ANTXR2: variants seen among roughly 807,000 people sequenced by gnomAD.
The protein encoded by ANTXR2 is anthrax toxin receptor 2.
ANTXR2 carries 44 observed loss-of-function variants against 73.7 expected under a neutral mutation model. The observed-to-expected ratio is 0.60, with a 90% CI of 0.47 to 0.77. The LOEUF is 0.77. Ranked by LOEUF, ANTXR2 falls within the 30% of genes least tolerant of loss-of-function variation. The pLI is 0.00. For missense variants in ANTXR2, 604 were observed against 592.5 expected, an observed-to-expected ratio of 1.02 and a Z score of -0.20; for synonymous variants, 217 against 205.9, an observed-to-expected ratio of 1.05 and a Z score of -0.46.
At position 79,988,557 on chromosome 4, in the gene ANTXR2, T is replaced by A. The variant is rs577899122; in HGVS notation, c.1042-3694A>T. Among the ~76,000 whole-genome samples the A allele has an allele frequency of 5.3e-5, 8 of 152,006 alleles. No individual in the cohort carries two copies. The South Asian group carries it at 1.7e-3, about 32-fold the overall frequency. On this transcript the variant is annotated intron_variant, in intron 12 of 16. Coordinates refer to ENST00000403729, the MANE Select transcript of ANTXR2 (RefSeq NM_058172.6). ...TAACCACACAATAATAATGGGAGAC[T>A]TCAACACTCCACTGACAGTATTGGA...
Position 79,902,653 on chromosome 4 carries a change from G to A in ANTXR2, c.*4776C>T, listed in dbSNP as rs1726750509. 6.6e-6 allele frequency: 1 copy of A among 151,258 alleles called. No individual in the cohort carries two copies. The highest frequency in any genetic ancestry group is 1.5e-5 in the Non-Finnish European group (1 of 67,888). 9.4% of individuals were successfully genotyped at this position (151,258 alleles called of 1,614,324 possible). ...GATATAAACTGTAAGTTTCCTCTTT[G>A]ACAAATTTAATTATAAGAAATTAAC... On this transcript the variant is annotated 3_prime_UTR_variant, in exon 17 of 17. Transcript: ENST00000403729.
chr4:79,905,862 GA>G lies in ANTXR2; in HGVS notation c.*1566del, dbSNP rs1726884757. On this transcript the variant is annotated 3_prime_UTR_variant, in exon 17 of 17. Transcript: ENST00000403729. ...GTGCACTCACATGCCCGCCAAACAT[GA>G]AATGTTCGCCTTCTCCCTTCCAATG... 6.6e-6 allele frequency: 1 copy of G among 152,528 alleles called. No individual in the cohort carries two copies. Among genetic ancestry groups the G allele is most frequent in the Admixed American group, 6.6e-5 (1 of 15,252 alleles). 9.4% of individuals were successfully genotyped at this position (152,528 alleles called of 1,614,324 possible). A position where few individuals can be genotyped will look rare whatever the true frequency, so the allele number is the denominator to read the frequency against.
At chr4:80,058,249 T>G (rs1560427914) in intron 3 of ANTXR2, among the ~76,000 whole-genome samples, 1 of 152,058 alleles carries the variant, frequency 6.6e-6, no homozygotes, top group Non-Finnish European at 1.5e-5. Context: ...GGTTTTTTTT[T>G]GTACAGTCAG....
Position 79,996,318 on chromosome 4 carries a change from T to TATGGATAG in ANTXR2, c.1042-11456_1042-11455insCTATCCAT, listed in dbSNP as rs1553931369. Among the ~76,000 whole-genome samples the TATGGATAG allele has an allele frequency of 2.0e-5, 3 of 148,872 alleles. No individual in the cohort carries two copies. The East Asian group carries it at 6.1e-4, about 30-fold the overall frequency. On this transcript the variant is annotated intron_variant, in intron 12 of 16. Coordinates refer to ENST00000403729, the MANE Select transcript of ANTXR2 (RefSeq NM_058172.6). Reference sequence around the variant, plus strand: ...GGATGGGTAGATGGACGGATGGATATATGGATGGATGGATGGATGGATGGA... The same window carrying TATGGATAG: ...GGATGGGTAGATGGACGGATGGATATATGGATAGATGGATGGATGGATGGATGGATGGA...
intron 3 of ANTXR2, among the ~76,000 whole-genome samples, chr4:80,058,241 T>G (rs921532477): frequency 2.6e-5 from 4 of 151,342 alleles, no homozygotes; most frequent in Non-Finnish European, 2.9e-5. Flanking sequence ...GGATTCAAGG[T>G]TTTTTTTTGT....
chr4:79,943,352 T>C (rs1313183187), intron 16 of ANTXR2, among the ~76,000 whole-genome samples: 20 of 1,354 alleles, frequency 0.015, no homozygotes, highest in African/African-American at 0.051. Context: ...CCAACAATGA[T>C]AGACTGGATT....
chr4:79,956,535 A>C (rs1728892391), intron 16 of ANTXR2, among the ~76,000 whole-genome samples: 1 of 152,112 alleles, frequency 6.6e-6, no homozygotes, highest in Non-Finnish European at 1.5e-5. Flanking sequence ...CATATTCTTC[A>C]TCTGTTAAAT....
rs149281302 is a variant in ANTXR2, at chr4:80,072,002, T to A, written c.153-348A>T. Reference sequence around the variant, plus strand: ...ACATTGGGCATGTTAACCCTAGGCTTTTCCTGGCTCCAATGAAAGCGCTAT... The same window carrying A: ...ACATTGGGCATGTTAACCCTAGGCTATTCCTGGCTCCAATGAAAGCGCTAT... On this transcript the variant is annotated intron_variant, in intron 1 of 16. Coordinates refer to ENST00000403729, the MANE Select transcript of ANTXR2 (RefSeq NM_058172.6). 2.4e-3 allele frequency among the ~76,000 whole-genome samples: 369 copies of A among 152,284 alleles called. 3 individuals are homozygous for A. In the South Asian group the frequency reaches 0.026, roughly 11 times the overall value.
Position 80,035,999 on chromosome 4 carries a change from A to G in ANTXR2, c.670T>C (p.Leu224=). 6.5e-7 allele frequency: 1 copy of G among 1,537,018 alleles called. No individual in the cohort carries two copies. The highest frequency in any genetic ancestry group is 8.7e-7 in the Non-Finnish European group (1 of 1,144,106). Residue 224 remains leucine (L), a synonymous_variant, in exon 8 of 17, where the codon TTG becomes CTG. Coordinates refer to ENST00000403729, the MANE Select transcript of ANTXR2 (RefSeq NM_058172.6). ...LAQSCTEILE[L]QPSSVCVGEE... ...CCCACACAGACACTTGAGGGCTGCA[A>G]TTCTAGGATTTCAGTACATGACTGA...
chr4:79,998,798 G>A (rs1398140503), intron 12 of ANTXR2, among the ~76,000 whole-genome samples: 2 of 151,962 alleles, frequency 1.3e-5, no homozygotes, highest in African/African-American at 4.8e-5. Flanking sequence ...CACAAAAAAT[G>A]AGAACTCTTC....
In ANTXR2 at chr4:80,058,700, G is replaced by T. The variant is rs549495275; in HGVS notation, c.297-2687C>A. On this transcript the variant is annotated intron_variant, in intron 3 of 16. Coordinates refer to ENST00000403729, the MANE Select transcript of ANTXR2 (RefSeq NM_058172.6). Reference sequence around the variant, plus strand: ...ATGTTAAAAAAAAAAGCCTCTAAATGAAAGCGAAAATGACTAAAATTTTAA... The same window carrying T: ...ATGTTAAAAAAAAAAGCCTCTAAATTAAAGCGAAAATGACTAAAATTTTAA... Among the ~76,000 whole-genome samples, 11 of 150,524 alleles carry T rather than the reference G, an allele frequency of 7.3e-5. No homozygotes were observed. The East Asian group carries it at 2.2e-3, about 29-fold the overall frequency.
rs546532508 is a variant in ANTXR2 at position 80,035,926 on chromosome 4, A to G, written c.697+46T>C. ...TCATATCATATATTTTAGCTAGGAAAAAAATACAATTTCTTACATGGTATT... is the reference window on the plus strand; with the variant it reads ...TCATATCATATATTTTAGCTAGGAAGAAAATACAATTTCTTACATGGTATT... On this transcript the variant is annotated intron_variant, in intron 8 of 16. Transcript: ENST00000403729. 7.2e-5 allele frequency: 105 copies of G among 1,466,036 alleles called. 1 individual carries two copies. Among genetic ancestry groups the G allele is most frequent in the Middle Eastern group, 7.0e-4 (4 of 5,726 alleles). The allele number at this position is 1,466,036 out of a possible 1,614,324, so 90.8% of individuals were successfully genotyped here. A position where few individuals can be genotyped will look rare whatever the true frequency, so the allele number is the denominator to read the frequency against.
At chr4:80,061,828 T>C (rs938298262) in intron 3 of ANTXR2, among the ~76,000 whole-genome samples, 1 of 152,000 alleles carries the variant, frequency 6.6e-6, no homozygotes, top group Non-Finnish European at 1.5e-5. Flanking sequence ...GTAAGAAAAA[T>C]AGAAAAAAAC....
At chr4:79,949,434 T>C (rs1299185912) in intron 16 of ANTXR2, among the ~76,000 whole-genome samples, 1 of 152,188 alleles carries the variant, frequency 6.6e-6, no homozygotes, top group African/African-American at 2.4e-5. Flanking sequence ...GTGACCATAC[T>C]GTCATAATCC....
chr4:79,907,445 C>T lies in ANTXR2; in HGVS notation c.1451G>A (p.Arg484Gln), dbSNP rs373907267. The T allele has an allele frequency of 3.3e-5, 54 of 1,612,502 alleles. No individual in the cohort carries two copies. The Middle Eastern group carries it at 3.1e-3, about 93-fold the overall frequency. ...GCTTCCCTTTTACTGAGATGGAACT[C>T]GGGAGAAGTTTATGCACCGGCCCTG... ...GDEGRCINFSRVPSQ is the reference protein window; with the variant it reads ...GDEGRCINFSQVPSQ Residue 484 changes from arginine to glutamine, a missense_variant, in exon 17 of 17, where the codon CGA (arginine) becomes CAA (glutamine). Arg to Gln is a conservative substitution (Grantham distance 43, BLOSUM62 1). Coordinates refer to ENST00000403729, the MANE Select transcript of ANTXR2 (RefSeq NM_058172.6).
chr4:80,052,922 T>C (rs1341966383), intron 7 of ANTXR2, among the ~76,000 whole-genome samples: 1 of 151,564 alleles, frequency 6.6e-6, no homozygotes, highest in African/African-American at 2.4e-5. Context: ...CCCATAAAAA[T>C]AGAGTTTTGG....
chr4:80,041,850 T>G (rs1340725185), intron 7 of ANTXR2, among the ~76,000 whole-genome samples: 1 of 152,180 alleles, frequency 6.6e-6, no homozygotes, highest in Non-Finnish European at 1.5e-5. Context: ...TACTACATTC[T>G]GTTAATCAAG....
chr4:79,959,740 G>A (rs1001590968), intron 16 of ANTXR2, among the ~76,000 whole-genome samples: 19 of 152,198 alleles, frequency 1.2e-4, no homozygotes, highest in African/African-American at 3.6e-4. Flanking sequence ...GAGGAAAATG[G>A]CTAAGTCCCG....
intron 16 of ANTXR2, among the ~76,000 whole-genome samples, chr4:79,947,754 T>C (rs1233575757): frequency 1.3e-5 from 2 of 152,206 alleles, no homozygotes; most frequent in East Asian, 3.8e-4. Flanking sequence ...CACTTTTAAG[T>C]ACCTTGTCAG....
Sources: gnomAD v4.1 joint callset for allele counts (sites outside exome capture counted in the v4.1 genomes callset) on GRCh38, gnomAD v4.1.1 for gene constraint, MANE v1.5 for transcripts, NCBI Gene and HGNC (gene_info 2026-07-23, HGNC 2026-07-21) for gene names.